PEDS1: variants seen among roughly 807,000 people sequenced by gnomAD.
PEDS1 encodes plasmanylethanolamine desaturase 1, also known as CarF homolog.
PEDS1 carries 14 observed loss-of-function variants against 35.2 expected under a neutral mutation model. That is an observed-to-expected ratio of 0.40 (90% CI 0.26 to 0.62). The LOEUF (loss-of-function observed/expected upper bound fraction) is 0.62. Ranked by LOEUF, PEDS1 falls within the 20% of genes least tolerant of loss-of-function variation. The probability of loss-of-function intolerance (pLI) is 0.44; values close to 1 mark genes in which losing one functional copy is unlikely to be tolerated. For missense variants in PEDS1, 260 were observed against 367.8 expected (o/e 0.71, Z 2.40); for synonymous variants, 152 against 152.0 (o/e 1.00, Z 0.00).
rs1037483338 is a variant in PEDS1 at position 50,124,722 on chromosome 20, C to T, written c.*336G>A. 35 of 243,522 alleles carry T rather than the reference C, an allele frequency of 1.4e-4. No homozygotes were observed. The South Asian group carries it at 1.7e-3, about 12-fold the overall frequency. 15.1% of individuals were successfully genotyped at this position (243,522 alleles called of 1,614,324 possible). A position where few individuals can be genotyped will look rare whatever the true frequency, so the allele number is the denominator to read the frequency against. ...GAAAGAGGCAACTCACTGGCCCCAA[C>T]GCCAGCCACACTGAAGGGCTGCCCA... is the stretch of plus-strand genomic sequence containing the variant. On this transcript the variant is annotated 3_prime_UTR_variant, in exon 6 of 6. Transcript: ENST00000371652.
At chr20:50,152,881 T>C (rs889109013) in intron 1 of PEDS1, among the ~76,000 whole-genome samples, 3 of 150,872 alleles carry the variant, frequency 2.0e-5, no homozygotes, top group Non-Finnish European at 2.9e-5. Flanking sequence ...GATATCGGTC[T>C]GTAGCCACTG....
chr20:50,143,082 T>C (rs1057269113), intron 2 of PEDS1, among the ~76,000 whole-genome samples: 1 of 152,004 alleles, frequency 6.6e-6, no homozygotes, highest in Admixed American at 6.6e-5. Context: ...AGGATCCAGC[T>C]AGCCATGTGG....
At chr20:50,141,367 C>T (rs2081289906) in intron 2 of PEDS1, among the ~76,000 whole-genome samples, 2 of 152,242 alleles carry the variant, frequency 1.3e-5, no homozygotes, top group African/African-American at 2.4e-5. Context: ...ACAAAACATC[C>T]GTGATTAAAC....
At chr20:50,152,016 G>A (rs528612346) in intron 1 of PEDS1, among the ~76,000 whole-genome samples, 3 of 152,308 alleles carry the variant, frequency 2.0e-5, no homozygotes, top group African/African-American at 4.8e-5. Context: ...AAACAGAGAC[G>A]GAAAGTGGCT....
intron 2 of PEDS1, among the ~76,000 whole-genome samples, chr20:50,140,681 C>T (rs1053522620): frequency 6.6e-6 from 1 of 152,182 alleles, no homozygotes; most frequent in Non-Finnish European, 1.5e-5. Context: ...CTTGATTTTG[C>T]TTCCCAATGC....
rs13040101 is a variant in PEDS1, at chr20:50,153,704, G to C, written c.-67C>G. On this transcript the variant is annotated 5_prime_UTR_variant, in exon 1 of 6. Transcript: ENST00000371652. ...GCGGCGGCAGGGCCGCGGAACCGCG[G>C]CGAGATCACGCCGCCCAATGACCGC... is the stretch of plus-strand genomic sequence containing the variant. 103 of 1,163,068 alleles carry C rather than the reference G, an allele frequency of 8.9e-5. No homozygotes were observed. Among genetic ancestry groups the C allele is most frequent in the Non-Finnish European group, 1.0e-4 (96 of 944,590 alleles). 72.0% of individuals were successfully genotyped at this position (1,163,068 alleles called of 1,614,324 possible).
chr20:50,130,355 C>T (rs977307228), intron 3 of PEDS1, among the ~76,000 whole-genome samples: 1 of 152,112 alleles, frequency 6.6e-6, no homozygotes, highest in African/African-American at 2.4e-5. Flanking sequence ...ACACTGGCCA[C>T]CTTATGAGGG....
chr20:50,143,638 C>CGA lies in PEDS1; in HGVS notation c.122-19_122-18dup. ...GGCGCTTGCCTGCAGGGAGCAGAGG[C>CGA]GAGAGGTAAAGGCTGGAAGGTCAAG... On this transcript the variant is annotated splice_polypyrimidine_tract_variant and intron_variant, in intron 1 of 5. Transcript: ENST00000371652. The CGA allele has an allele frequency of 1.2e-6, 2 of 1,613,498 alleles. No homozygotes were observed. Among genetic ancestry groups the CGA allele is most frequent in the Non-Finnish European group, 8.5e-7 (1 of 1,179,766 alleles).
At chr20:50,153,409 C>G in intron 1 of PEDS1, 108 bp downstream of exon 1, 1 of 1,230,184 alleles carries the variant, frequency 8.1e-7, no homozygotes, top group Non-Finnish European at 1.0e-6. Flanking sequence ...GTTAGACACC[C>G]GGGCTGGAGT....
rs1172606921 is a variant in PEDS1 at position 50,124,785 on chromosome 20, ACCT to A, written c.*270_*272del. On this transcript the variant is annotated 3_prime_UTR_variant, in exon 6 of 6. Transcript: ENST00000371652. ...CGGCAGGCGTGCAGGGAGTGGGTAA[ACCT>A]CCTCTCTACCAGGGGAGGCTGGCAG... The A allele has an allele frequency of 2.6e-6, 1 of 378,742 alleles. No homozygotes were observed. The highest frequency in any genetic ancestry group is 2.1e-5 in the African/African-American group (1 of 48,652). The allele number at this position is 378,742 out of a possible 1,614,324, so 23.5% of individuals were successfully genotyped here.
At chr20:50,127,164 G>A (rs1371460758) in intron 5 of PEDS1, among the ~76,000 whole-genome samples, 1 of 152,058 alleles carries the variant, frequency 6.6e-6, no homozygotes, top group African/African-American at 2.4e-5. Context: ...TTGTTCAAGT[G>A]TCACCTTCCC....
chr20:50,126,477 G>A (rs1462775914), intron 5 of PEDS1, among the ~76,000 whole-genome samples: 1 of 152,048 alleles, frequency 6.6e-6, no homozygotes, highest in African/African-American at 2.4e-5. Flanking sequence ...TCTCAGTTCT[G>A]TTTCCAGAAA....
intron 2 of PEDS1, among the ~76,000 whole-genome samples, chr20:50,141,870 T>C (rs1027421014): frequency 1.3e-5 from 2 of 152,192 alleles, no homozygotes; most frequent in Non-Finnish European, 2.9e-5. Flanking sequence ...GATGGCTCAA[T>C]TAGCTGGCCT....
rs2081083930 is a variant in PEDS1 at position 50,124,976 on chromosome 20, G to C, written c.*82C>G. On this transcript the variant is annotated 3_prime_UTR_variant, in exon 6 of 6. Coordinates refer to ENST00000371652, the MANE Select transcript of PEDS1 (RefSeq NM_199129.4). ...ATGTCCTCTCCATCTGGAGGGGCCAGCTCAAAGAGGCTGGAATTTGGCAGA... is the reference window on the plus strand; with the variant it reads ...ATGTCCTCTCCATCTGGAGGGGCCACCTCAAAGAGGCTGGAATTTGGCAGA... 7.0e-6 allele frequency: 11 copies of C among 1,578,850 alleles called. No homozygotes were observed. Among genetic ancestry groups the C allele is most frequent in the Admixed American group, 1.7e-5 (1 of 58,800 alleles).
intron 2 of PEDS1, among the ~76,000 whole-genome samples, chr20:50,132,452 C>G (rs975775014): frequency 1.3e-5 from 2 of 152,118 alleles, no homozygotes; most frequent in Non-Finnish European, 2.9e-5. Flanking sequence ...TGGGTCTTTG[C>G]ATTTGCTGTT....
intron 1 of PEDS1, among the ~76,000 whole-genome samples, chr20:50,149,461 T>C (rs1315143760): frequency 1.3e-5 from 2 of 152,142 alleles, no homozygotes; most frequent in East Asian, 3.9e-4. Context: ...CGCCTCACCC[T>C]CTGGCCTGCC....
intron 2 of PEDS1, among the ~76,000 whole-genome samples, chr20:50,137,219 C>G (rs1444997074): frequency 6.6e-6 from 1 of 152,068 alleles, no homozygotes; most frequent in Non-Finnish European, 1.5e-5. Flanking sequence ...GCTGTAGAGA[C>G]AAGGGTCTCA....
intron 2 of PEDS1, among the ~76,000 whole-genome samples, chr20:50,140,418 C>T (rs1248645047): frequency 6.6e-6 from 1 of 152,252 alleles, no homozygotes; most frequent in Non-Finnish European, 1.5e-5. Flanking sequence ...CCCTCATGGC[C>T]CCACAACATC....
chr20:50,140,295 G>C (rs1227337100), intron 2 of PEDS1, among the ~76,000 whole-genome samples: 1 of 152,200 alleles, frequency 6.6e-6, no homozygotes, highest in South Asian at 2.1e-4. Context: ...CATGGCAGGC[G>C]CCTCCTCCCT....
Sources: allele counts gnomAD v4.1 joint callset (sites outside exome capture counted in the v4.1 genomes callset), GRCh38; gene constraint gnomAD v4.1.1; transcripts MANE v1.5; gene names NCBI Gene and HGNC (gene_info 2026-07-23, HGNC 2026-07-21).